The following ABHD17B variants were observed in gnomAD, a reference collection of about 807,000 sequenced individuals.
The protein encoded by ABHD17B is abhydrolase domain containing 17B, depalmitoylase, also known as alpha/beta hydrolase domain-containing protein 17B.
In ABHD17B, 9 loss-of-function variants were observed where a neutral mutation model predicts 26.2. That is an observed-to-expected ratio of 0.34 (90% CI 0.21 to 0.60). ABHD17B has a LOEUF of 0.60. Among genes scored for constraint, ABHD17B ranks in the 20% least tolerant of loss-of-function variants. The pLI is 0.80. For missense variants in ABHD17B, 224 were observed against 352.1 expected, an observed-to-expected ratio of 0.64 and a Z score of 2.91; for synonymous variants, 127 against 122.3, an observed-to-expected ratio of 1.04 and a Z score of -0.25.
At position 71,894,821 on chromosome 9, in the gene ABHD17B, G is replaced by A. The variant is rs114585663; in HGVS notation, c.-4+15813C>T. 8.5e-3 allele frequency among the ~76,000 whole-genome samples: 1,283 copies of A among 151,358 alleles called. 19 individuals are homozygous for A. The highest frequency in any genetic ancestry group is 0.029 in the African/African-American group (1,188 of 41,246). On this transcript the variant is annotated intron_variant, in intron 1 of 3. Transcript: ENST00000333421. ...AGTCTAGGTGACAAAGCAAGAACACGTCTCCTAAAAAAAAAAAGTTTCTTT... is the reference window on the plus strand; with the variant it reads ...AGTCTAGGTGACAAAGCAAGAACACATCTCCTAAAAAAAAAAAGTTTCTTT...
At chr9:71,910,583 C>T (rs552289539) in intron 1 of ABHD17B, 51 bp downstream of exon 1, 1 of 152,360 alleles carries the variant, frequency 6.6e-6, no homozygotes, top group African/African-American at 2.4e-5. Flanking sequence ...GGCCTAGCGC[C>T]CCCTCCCCGA....
intron 1 of ABHD17B, among the ~76,000 whole-genome samples, chr9:71,882,680 CA>C (rs764320313): frequency 1.4e-5 from 2 of 147,966 alleles, no homozygotes; most frequent in Non-Finnish European, 3.0e-5. Context: ...ACCAAGAAAA[CA>C]AAAACAAAAC....
At chr9:71,898,690 T>C (rs1167528393) in intron 1 of ABHD17B, among the ~76,000 whole-genome samples, 4 of 151,120 alleles carry the variant, frequency 2.6e-5, no homozygotes, top group East Asian at 2.0e-4. Flanking sequence ...GGTTTAGACA[T>C]GTGAGAAATT....
intron 1 of ABHD17B, among the ~76,000 whole-genome samples, chr9:71,884,967 A>G (rs1485850533): frequency 6.6e-6 from 1 of 152,198 alleles, no homozygotes; most frequent in Non-Finnish European, 1.5e-5. Flanking sequence ...ATATGGGGGC[A>G]AAACAGAATC....
chr9:71,903,232 A>G (rs1251245013), intron 1 of ABHD17B, among the ~76,000 whole-genome samples: 1 of 152,024 alleles, frequency 6.6e-6, no homozygotes, highest in African/African-American at 2.4e-5. Flanking sequence ...TTTATGGGGT[A>G]CATGTGTTTG....
At chr9:71,910,173 G>A (rs1589237371) in intron 1 of ABHD17B, among the ~76,000 whole-genome samples, 2 of 152,212 alleles carry the variant, frequency 1.3e-5, no homozygotes, top group East Asian at 3.9e-4. Context: ...GAGATATAAG[G>A]ACATTCAGGA....
intron 1 of ABHD17B, among the ~76,000 whole-genome samples, chr9:71,883,341 G>A (rs1469108248): frequency 6.6e-6 from 1 of 152,176 alleles, no homozygotes; most frequent in Non-Finnish European, 1.5e-5. Context: ...TAAAGACAGA[G>A]TGGTGCTGGT....
chr9:71,890,421 A>G (rs567767805), intron 1 of ABHD17B, among the ~76,000 whole-genome samples: 6 of 152,212 alleles, frequency 3.9e-5, no homozygotes, highest in Non-Finnish European at 8.8e-5. Flanking sequence ...TTCTTATTCT[A>G]TCAACTTTAG....
chr9:71,865,681 C>G lies in ABHD17B; in HGVS notation c.*1106G>C, dbSNP rs1458372261. 1 of 690,986 alleles carries G rather than the reference C, an allele frequency of 1.4e-6. No homozygotes were observed. Among genetic ancestry groups the G allele is most frequent in the Admixed American group, 6.3e-5 (1 of 15,854 alleles). 42.8% of individuals were successfully genotyped at this position (690,986 alleles called of 1,614,324 possible). A position where few individuals can be genotyped will look rare whatever the true frequency, so the allele number is the denominator to read the frequency against. ...TTCAAGACCAGCCTGATCAACATGG[C>G]AAAACCCTGTCTCTACTAAAAATAC... On this transcript the variant is annotated 3_prime_UTR_variant, in exon 4 of 4. Coordinates refer to ENST00000333421, the MANE Select transcript of ABHD17B (RefSeq NM_001025780.3).
chr9:71,896,105 C>T (rs1267946845), intron 1 of ABHD17B, among the ~76,000 whole-genome samples: 1 of 152,116 alleles, frequency 6.6e-6, no homozygotes, highest in African/African-American at 2.4e-5. Flanking sequence ...CCTTTTTGCA[C>T]CTATCTCATC....
intron 1 of ABHD17B, among the ~76,000 whole-genome samples, chr9:71,901,106 C>T (rs915527840): frequency 2.0e-5 from 3 of 152,060 alleles, no homozygotes; most frequent in African/African-American, 2.4e-5. Context: ...GAGCCGAGAT[C>T]GTGCCACTGC....
rs567321619 is a variant in ABHD17B at position 71,895,938 on chromosome 9, T to C, written c.-4+14696A>G. On this transcript the variant is annotated intron_variant, in intron 1 of 3. Coordinates refer to ENST00000333421, the MANE Select transcript of ABHD17B (RefSeq NM_001025780.3). ...ATTTTGGGACAAAAGGTCCAAAATA[T>C]TTAATAACAGACTGACTTGAAAACT... Among the ~76,000 whole-genome samples the C allele has an allele frequency of 3.9e-5, 6 of 152,310 alleles. No individual in the cohort carries two copies. The East Asian group carries it at 9.6e-4, about 24-fold the overall frequency.
intron 1 of ABHD17B, among the ~76,000 whole-genome samples, chr9:71,897,647 A>G (rs1346699480): frequency 1.3e-5 from 2 of 152,240 alleles, no homozygotes; most frequent in Non-Finnish European, 2.9e-5. Context: ...TAGTAGAGAT[A>G]TGGGGGAATT....
chr9:71,908,687 G>T (rs2132221168), intron 1 of ABHD17B, among the ~76,000 whole-genome samples: 1 of 152,314 alleles, frequency 6.6e-6, no homozygotes, highest in Non-Finnish European at 1.5e-5. Flanking sequence ...CATAGGGAGA[G>T]TCATTCTCCT....
chr9:71,880,252 T>A (rs981274057), intron 1 of ABHD17B, among the ~76,000 whole-genome samples: 3 of 152,118 alleles, frequency 2.0e-5, no homozygotes, highest in African/African-American at 7.2e-5. Context: ...TGCTCAACAA[T>A]TGCTTTCTGA....
chr9:71,889,561 C>T (rs563017557), intron 1 of ABHD17B, among the ~76,000 whole-genome samples: 5 of 151,958 alleles, frequency 3.3e-5, no homozygotes, highest in South Asian at 2.1e-4. Context: ...GATCTGGGAG[C>T]GTATTTGTGC....
intron 1 of ABHD17B, among the ~76,000 whole-genome samples, chr9:71,888,689 T>TA (rs1166435130): frequency 1.3e-5 from 2 of 152,078 alleles, no homozygotes; most frequent in Non-Finnish European, 2.9e-5. Flanking sequence ...AGATTATTTC[T>TA]AAGAGTTTAT....
Position 71,911,177 on chromosome 9 carries a change from G to A in ABHD17B, c.-547C>T, listed in dbSNP as rs1827463291. On this transcript the variant is annotated 5_prime_UTR_variant, in exon 1 of 4. Coordinates refer to ENST00000333421, the MANE Select transcript of ABHD17B (RefSeq NM_001025780.3). The stretch of plus-strand genomic sequence containing the variant: ...GACGAGCACAATCCCCACTGAGCCA[G>A]GAGTTGGCCACTGACTGGAGGAAGG... Among the ~76,000 whole-genome samples, 1 of 152,104 alleles carries A rather than the reference G, an allele frequency of 6.6e-6. No individual in the cohort carries two copies. The highest frequency in any genetic ancestry group is 1.5e-5 in the Non-Finnish European group (1 of 68,020).
intron 1 of ABHD17B, among the ~76,000 whole-genome samples, chr9:71,891,016 C>T (rs1826764227): frequency 6.6e-6 from 1 of 152,086 alleles, no homozygotes; most frequent in African/African-American, 2.4e-5. Context: ...TGCTGTACTA[C>T]AACTCCCAAG....
Sources: allele counts gnomAD v4.1 joint callset (sites outside exome capture counted in the v4.1 genomes callset), GRCh38; gene constraint gnomAD v4.1.1; transcripts MANE v1.5; gene names NCBI Gene and HGNC (gene_info 2026-07-23, HGNC 2026-07-21).